Variants in CAPN13 observed in about 807,000 individuals in gnomAD.
The protein encoded by CAPN13 is calpain-13.
Under a neutral mutation model 98.4 loss-of-function variants are expected in CAPN13, and 90 were observed. That is an observed-to-expected ratio of 0.92 (90% CI 0.77 to 1.09). CAPN13 has a LOEUF of 1.09. Among genes scored for constraint, CAPN13 ranks in the 50% least tolerant of loss-of-function variants. The pLI, the probability that CAPN13 is intolerant of heterozygous loss-of-function variation, is 0.00. For synonymous variants in CAPN13, 330 were observed against 305.5 expected (o/e 1.08, Z -0.84); for missense variants, 887 against 841.3 (o/e 1.05, Z -0.67).
chr2:30,781,230 G>A (rs1673968804), intron 2 of CAPN13, among the ~76,000 whole-genome samples: 1 of 152,230 alleles, frequency 6.6e-6, no homozygotes, highest in Non-Finnish European at 1.5e-5. Context: ...TGAATCAGGT[G>A]TCTGCCTCCA....
chr2:30,796,906 C>T (rs1674912197), intron 1 of CAPN13, among the ~76,000 whole-genome samples: 1 of 152,172 alleles, frequency 6.6e-6, no homozygotes. Context: ...CTTATCGGCA[C>T]TCTCAATGGT....
intron 15 of CAPN13, among the ~76,000 whole-genome samples, chr2:30,740,824 C>G (rs1231787672): frequency 6.6e-6 from 1 of 152,222 alleles, no homozygotes; most frequent in Non-Finnish European, 1.5e-5. Context: ...CCACCTGCCA[C>G]TGAAGGAAGC....
intron 15 of CAPN13, among the ~76,000 whole-genome samples, chr2:30,739,753 G>A (rs1440699118): frequency 6.6e-6 from 1 of 152,142 alleles, no homozygotes; most frequent in Non-Finnish European, 1.5e-5. Context: ...CCTGCCCCGG[G>A]TCCTGCACTT....
At chr2:30,794,276 G>A (rs1275713691) in intron 1 of CAPN13, among the ~76,000 whole-genome samples, 1 of 151,642 alleles carries the variant, frequency 6.6e-6, no homozygotes, top group African/African-American at 2.4e-5. Context: ...ATAAAAACAA[G>A]CAATAACCCA....
At chr2:30,740,450 C>G (rs979230289) in intron 15 of CAPN13, among the ~76,000 whole-genome samples, 21 of 152,184 alleles carry the variant, frequency 1.4e-4, no homozygotes, top group African/African-American at 4.3e-4. Context: ...AGAGAGGACA[C>G]AGTGAGTGCA....
At chr2:30,750,511 T>G (rs1286460091) in intron 11 of CAPN13, among the ~76,000 whole-genome samples, 2 of 152,118 alleles carry the variant, frequency 1.3e-5, no homozygotes, top group African/African-American at 4.8e-5. Flanking sequence ...AAAGGAAACC[T>G]GGCCTCAGGG....
rs771334705 is a variant in CAPN13, at chr2:30,787,257, G to C, written c.69C>G (p.Thr23=). 4.3e-6 allele frequency: 7 copies of C among 1,613,136 alleles called. No individual in the cohort carries two copies. Among genetic ancestry groups the C allele is most frequent in the Admixed American group, 3.3e-5 (2 of 59,930 alleles). Residue 23 remains threonine (T), a synonymous_variant, in exon 2 of 23, where the codon ACC becomes ACG. Transcript: ENST00000295055. Reference sequence around the variant, plus strand: ...CCATGCTCAGGCAGTGATCCCGCAAGGTGGTAAAGTCCTGGTCTTTGAACT... The same window carrying C: ...CCATGCTCAGGCAGTGATCCCGCAACGTGGTAAAGTCCTGGTCTTTGAACT... ...IIKFKDQDFT[T]LRDHCLSMGR...
intron 1 of CAPN13, among the ~76,000 whole-genome samples, chr2:30,806,629 G>T (rs1675646921): frequency 6.6e-6 from 1 of 152,182 alleles, no homozygotes; most frequent in South Asian, 2.1e-4. Flanking sequence ...TGGTTAACTT[G>T]GGTCCAAGCT....
chr2:30,730,621 T>G, intron 22 of CAPN13, 109 bp downstream of exon 22: 1 of 656,610 alleles, frequency 1.5e-6, no homozygotes, highest in Admixed American at 2.5e-5. Flanking sequence ...TAAGGGTCTG[T>G]CATCCCTGGG....
At chr2:30,752,955 T>C in intron 10 of CAPN13, 98 bp downstream of exon 10, 1 of 1,344,392 alleles carries the variant, frequency 7.4e-7, no homozygotes, top group African/African-American at 1.4e-5. Context: ...AGGCTCATGG[T>C]CCAGAATCAA....
intron 1 of CAPN13, among the ~76,000 whole-genome samples, chr2:30,800,983 G>A (rs1320865718): frequency 6.6e-6 from 1 of 152,162 alleles, no homozygotes; most frequent in Admixed American, 6.5e-5. Context: ...ATCCTTGAAG[G>A]AGAGATGCAC....
At chr2:30,806,336 A>G (rs1303569598) in intron 1 of CAPN13, 1 of 152,124 alleles carries the variant, frequency 6.6e-6, no homozygotes, top group Non-Finnish European at 1.5e-5. Flanking sequence ...AGATTATTAC[A>G]TTTCCATCAA....
At chr2:30,733,328 A>G (rs1671197925) in intron 19 of CAPN13, among the ~76,000 whole-genome samples, 1 of 38,230 alleles carries the variant, frequency 2.6e-5, no homozygotes, top group Non-Finnish European at 5.3e-5. Context: ...TAGATAAGCC[A>G]GGTCCTGTTC....
chr2:30,769,147 T>G (rs1223401295), intron 5 of CAPN13, among the ~76,000 whole-genome samples: 1 of 152,146 alleles, frequency 6.6e-6, no homozygotes, highest in Non-Finnish European at 1.5e-5. Context: ...TACCCACCCA[T>G]TGTACCCACT....
intron 2 of CAPN13, among the ~76,000 whole-genome samples, chr2:30,782,743 G>A (rs571063210): frequency 1.3e-5 from 2 of 152,272 alleles, no homozygotes; most frequent in South Asian, 4.1e-4. Context: ...TTTTTCAGTT[G>A]AGAAGTAAAA....
At chr2:30,793,926 C>A (rs1400171673) in intron 1 of CAPN13, among the ~76,000 whole-genome samples, 4 of 151,484 alleles carry the variant, frequency 2.6e-5, no homozygotes, top group Admixed American at 2.6e-4. Flanking sequence ...ACACAAAAAC[C>A]AAGTCAAAAT....
chr2:30,794,719 T>C (rs1674770971), intron 1 of CAPN13, among the ~76,000 whole-genome samples: 1 of 151,988 alleles, frequency 6.6e-6, no homozygotes, highest in Non-Finnish European at 1.5e-5. Context: ...AATGAATTAT[T>C]GATACATGCA....
At chr2:30,773,231 G>A (rs918573256) in intron 4 of CAPN13, among the ~76,000 whole-genome samples, 4 of 152,206 alleles carry the variant, frequency 2.6e-5, no homozygotes, top group Non-Finnish European at 5.9e-5. Context: ...GAAGCTACAA[G>A]ACAACGAAAC....
At chr2:30,736,011 T>G (rs1215703401) in intron 18 of CAPN13, among the ~76,000 whole-genome samples, 1 of 150,908 alleles carries the variant, frequency 6.6e-6, no homozygotes, top group Non-Finnish European at 1.5e-5. Flanking sequence ...AAGGAGAGAG[T>G]GGGATGAGTG....
Sources: allele counts gnomAD v4.1 joint callset (sites outside exome capture counted in the v4.1 genomes callset), GRCh38; gene constraint gnomAD v4.1.1; transcripts MANE v1.5; gene names NCBI Gene and HGNC (gene_info 2026-07-23, HGNC 2026-07-21).